The following MYH15 variants were observed in gnomAD, a reference collection of about 807,000 sequenced individuals.
MYH15 encodes the protein myosin heavy chain 15, also known as myosin-15.
MYH15 carries 227 observed loss-of-function variants against 240.5 expected under a neutral mutation model. That is an observed-to-expected ratio of 0.94 (90% CI 0.85 to 1.05). MYH15 has a LOEUF of 1.05. Ranked by LOEUF, MYH15 falls within the 50% of genes least tolerant of loss-of-function variation. The pLI is 0.00. For missense variants in MYH15, 2,217 were observed against 2,247.5 expected (o/e 0.99, Z 0.27); for synonymous variants, 785 against 796.7 (o/e 0.99, Z 0.25).
In MYH15 at chr3:108,456,749, C is replaced by A; in HGVS notation, c.2138+17G>T. On this transcript the variant is annotated intron_variant, in intron 19 of 40. Transcript: ENST00000693548. ...TGAACTGCCTCAGGCTTCTTGGATCCTAGAATGTAGGTTTACCTTTGTTTA... is the reference window on the plus strand; with the variant it reads ...TGAACTGCCTCAGGCTTCTTGGATCATAGAATGTAGGTTTACCTTTGTTTA... 1 of 1,571,122 alleles carries A rather than the reference C, an allele frequency of 6.4e-7. No individual in the cohort carries two copies. Among genetic ancestry groups the A allele is most frequent in the East Asian group, 2.2e-5 (1 of 44,620 alleles).
At chr3:108,385,926 C>T (rs1405733419) in intron 38 of MYH15, among the ~76,000 whole-genome samples, 4 of 152,080 alleles carry the variant, frequency 2.6e-5, no homozygotes, top group Non-Finnish European at 5.9e-5. Context: ...ACACCACCAC[C>T]TTAAAGTACC....
intron 25 of MYH15, 63 bp from the exon 26 acceptor site, chr3:108,430,985 A>G: frequency 1.8e-6 from 2 of 1,135,520 alleles, no homozygotes; most frequent in Admixed American, 3.7e-5. Context: ...TAAAGTAGTT[A>G]GAATTGTAAT....
chr3:108,538,724 T>C, the MYH15 span, among the ~76,000 whole-genome samples: 1 of 152,192 alleles, frequency 6.6e-6, no homozygotes, highest in African/African-American at 2.4e-5. Flanking sequence ...ATTTATGAGA[T>C]TGAGTTTATC....
chr3:108,414,435 G>T lies in MYH15; in HGVS notation c.3949-7C>A. On this transcript the variant is annotated splice_region_variant and splice_polypyrimidine_tract_variant and intron_variant, in intron 29 of 40. Coordinates refer to ENST00000693548, the MANE Select transcript of MYH15 (RefSeq NM_014981.3). ...GGGCCAGGGCACTCTGGGACTGTAG[G>T]GGACACACATTAACAAAAAGGTCAT... 1 of 1,607,270 alleles carries T rather than the reference G, an allele frequency of 6.2e-7. No homozygotes were observed. The highest frequency in any genetic ancestry group is 8.5e-7 in the Non-Finnish European group (1 of 1,176,012).
chr3:108,491,535 C>G (rs541987247), intron 9 of MYH15, among the ~76,000 whole-genome samples: 21 of 152,222 alleles, frequency 1.4e-4, no homozygotes, highest in East Asian at 5.8e-4. Context: ...CCTTTTCCCC[C>G]ACCCTTCCAT....
intron 24 of MYH15, among the ~76,000 whole-genome samples, chr3:108,438,763 A>G (rs1388802503): frequency 6.6e-6 from 1 of 152,214 alleles, no homozygotes; most frequent in Non-Finnish European, 1.5e-5. Flanking sequence ...CCCAGCCTCC[A>G]GAACTGTAGG....
At chr3:108,505,527 C>T (rs1474951041) in intron 2 of MYH15, among the ~76,000 whole-genome samples, 196 bp downstream of exon 2, 2 of 152,126 alleles carry the variant, frequency 1.3e-5, no homozygotes, top group Admixed American at 1.3e-4. Context: ...GCCTCGGCCT[C>T]CCAAAATGCT....
At chr3:108,444,002 G>GT (rs1553767642) in intron 22 of MYH15, among the ~76,000 whole-genome samples, 1 of 29,610 alleles carries the variant, frequency 3.4e-5, no homozygotes, top group East Asian at 5.6e-4. Context: ...CTGTTGTGGG[G>GT]TGGGGGAGGG....
At chr3:108,518,320 G>A (rs1353055607) in intron 1 of MYH15, among the ~76,000 whole-genome samples, 1 of 152,030 alleles carries the variant, frequency 6.6e-6, no homozygotes, top group Non-Finnish European at 1.5e-5. Flanking sequence ...CCAATCAATT[G>A]CCAAGCTCTG....
At chr3:108,415,199 T>C (rs2082623868) in intron 29 of MYH15, among the ~76,000 whole-genome samples, 1 of 152,168 alleles carries the variant, frequency 6.6e-6, no homozygotes, top group Non-Finnish European at 1.5e-5. Flanking sequence ...TCCCCAGAGA[T>C]AATCTAGTGT....
chr3:108,493,037 G>GGAAC (rs975276344), intron 8 of MYH15, 77 bp downstream of exon 8: 31 of 1,156,596 alleles, frequency 2.7e-5, no homozygotes, highest in Non-Finnish European at 4.0e-5. Context: ...AAGGAAGGAA[G>GGAAC]GAAGGAAGGA....
chr3:108,501,657 G>A (rs1219481548), intron 3 of MYH15, 55 bp downstream of exon 3: 9 of 1,605,802 alleles, frequency 5.6e-6, no homozygotes, highest in Non-Finnish European at 7.7e-6. Flanking sequence ...GGAGAGATTG[G>A]GACATGCAAT....
At chr3:108,466,777 C>T (rs1285192780) in intron 14 of MYH15, among the ~76,000 whole-genome samples, 3 of 152,094 alleles carry the variant, frequency 2.0e-5, no homozygotes, top group Admixed American at 6.5e-5. Flanking sequence ...CTCATGGCCC[C>T]GCATGGTTCA....
chr3:108,403,594 T>C (rs1276733090), intron 33 of MYH15, among the ~76,000 whole-genome samples: 3 of 152,072 alleles, frequency 2.0e-5, no homozygotes, highest in Admixed American at 2.0e-4. Flanking sequence ...CTTGGCAGTT[T>C]GGTACAATCT....
chr3:108,430,695 T>C, intron 26 of MYH15, 137 bp downstream of exon 26: 1 of 561,904 alleles, frequency 1.8e-6, no homozygotes. Context: ...TTTCCCTTCT[T>C]AACCACTGTT....
intron 30 of MYH15, among the ~76,000 whole-genome samples, chr3:108,412,642 A>G (rs2082603126): frequency 6.6e-6 from 1 of 152,234 alleles, no homozygotes; most frequent in Non-Finnish European, 1.5e-5. Context: ...TAACTTGCCA[A>G]CCATAAGCAC....
At chr3:108,537,031 T>G in the MYH15 span, among the ~76,000 whole-genome samples, 3 of 152,224 alleles carry the variant, frequency 2.0e-5, no homozygotes, top group Admixed American at 6.5e-5. Flanking sequence ...ATGTATTTAG[T>G]GCTCTCTCCC....
chr3:108,532,063 A>C (rs2083714937), upstream of MYH15, among the ~76,000 whole-genome samples: 1 of 152,140 alleles, frequency 6.6e-6, no homozygotes, highest in Admixed American at 6.6e-5. Context: ...AAAGTAGTTG[A>C]GCTTTTCTCA....
rs763862200 is a variant in MYH15 at position 108,470,781 on chromosome 3, G to A, written c.1300C>T (p.Arg434Trp). ...TTGGCATCCAGGGCCCTGTTGATCCGTGCCACTAGCCACTTAAACATCCTT... is the reference window on the plus strand; with the variant it reads ...TTGGCATCCAGGGCCCTGTTGATCCATGCCACTAGCCACTTAAACATCCTT... ...YERMFKWLVA[R>W]INRALDAKLS... Residue 434 changes from arginine to tryptophan, a missense_variant, in exon 13 of 41, where the codon CGG (arginine) becomes TGG (tryptophan). Physicochemically the swap from Arg to Trp is moderately radical, Grantham distance 101. Transcript: ENST00000693548. 31 of 1,613,648 alleles carry A rather than the reference G, an allele frequency of 1.9e-5. No homozygotes were observed. In the South Asian group the frequency reaches 2.3e-4, roughly 12 times the overall value.
Sources: allele counts gnomAD v4.1 joint callset (sites outside exome capture counted in the v4.1 genomes callset), GRCh38; gene constraint gnomAD v4.1.1; transcripts MANE v1.5; gene names NCBI Gene and HGNC (gene_info 2026-07-23, HGNC 2026-07-21).